The following MYL4 variants were observed in gnomAD, a reference collection of about 807,000 sequenced individuals.
The protein encoded by MYL4 is atrial myosin light chain 1.
A neutral mutation model predicts 21.6 loss-of-function variants in MYL4; 16 were observed. The ratio of observed to expected loss-of-function variants is 0.74; its 90% CI spans 0.50 to 1.12. The LOEUF (loss-of-function observed/expected upper bound fraction) is 1.12, where lower values mean the gene tolerates loss of function less well. Ranked by LOEUF, MYL4 falls within the 50% of genes most tolerant of loss-of-function variation. MYL4 has a pLI of 0.00. For missense variants in MYL4, 249 were observed against 252.9 expected (o/e 0.98, Z 0.11); for synonymous variants, 82 against 95.7 (o/e 0.86, Z 0.83).
At chr17:47,196,118 T>G (rs574218111), upstream of MYL4, among the ~76,000 whole-genome samples, 4 of 152,326 alleles carry the variant, frequency 2.6e-5, no homozygotes, top group East Asian at 7.7e-4. Context: ...TATTTGGACA[T>G]GGGGTCTCTA....
At position 47,220,058 on chromosome 17, in the gene MYL4, G is replaced by C; in HGVS notation, c.313+5G>C. 6.2e-7 allele frequency: 1 copy of C among 1,608,844 alleles called. No individual in the cohort carries two copies. Among genetic ancestry groups the C allele is most frequent in the Non-Finnish European group, 8.5e-7 (1 of 1,177,024 alleles). The stretch of plus-strand genomic sequence containing the variant: ...TGGGCAAGCCCAAGCCTGAAGGTCA[G>C]TGCGGCTGCATGGCAGACCTCTCCC... On this transcript the variant is annotated splice_donor_5th_base_variant and intron_variant, in intron 3 of 6. Coordinates refer to ENST00000393450, the MANE Select transcript of MYL4 (RefSeq NM_002476.2).
At chr17:47,189,556 A>C in the MYL4 span, 1 of 326,236 alleles carries the variant, frequency 3.1e-6, no homozygotes. Flanking sequence ...CCAAATCTGC[A>C]ACCAGCAGGC....
At position 47,209,471 on chromosome 17, in the gene MYL4, C is replaced by A. The variant is rs1264651169; in HGVS notation, c.49C>A (p.Pro17Thr). ...EPKKEAAKPA[P>T]APAPAPAPAP... is the part of the protein sequence containing the mutation. ...TAAGAAGGAGGCAGCCAAGCCAGCT[C>A]CAGCTCCAGCTCCAGCCCCTGCACC... The change falls in exon 1 of 7, where the codon CCA becomes ACA. Residue 17 changes from proline (P) to threonine (T), a missense_variant. Physicochemically the swap from Pro to Thr is conservative, Grantham distance 38. Coordinates refer to ENST00000393450, the MANE Select transcript of MYL4 (RefSeq NM_002476.2). 2 of 1,614,204 alleles carry A rather than the reference C, an allele frequency of 1.2e-6. No homozygotes were observed. Among genetic ancestry groups the A allele is most frequent in the Non-Finnish European group, 8.5e-7 (1 of 1,180,028 alleles).
upstream of MYL4, chr17:47,209,294 C>G: frequency 7.8e-7 from 1 of 1,277,262 alleles, no homozygotes; most frequent in South Asian, 1.3e-5. Flanking sequence ...CACCCAGCCC[C>G]TCTGTGGGGG....
At chr17:47,222,603 T>C in intron 5 of MYL4, 146 bp downstream of exon 5, 1 of 690,304 alleles carries the variant, frequency 1.4e-6, no homozygotes, top group Admixed American at 2.4e-5. Flanking sequence ...TTCCATCTTG[T>C]GAGTGAACCT....
chr17:47,213,885 G>A (rs2064794517), intron 2 of MYL4, 59 bp downstream of exon 2: 1 of 1,572,238 alleles, frequency 6.4e-7, no homozygotes, highest in Non-Finnish European at 8.8e-7. Context: ...GGAGGAGGAG[G>A]AGGAGGAAGA....
chr17:47,191,971 G>A, the MYL4 span, among the ~76,000 whole-genome samples: 2 of 152,230 alleles, frequency 1.3e-5, no homozygotes, highest in Non-Finnish European at 2.9e-5. Flanking sequence ...TGGATCTAGA[G>A]TCAGCATTTA....
chr17:47,204,678 A>G (rs549329953), upstream of MYL4, among the ~76,000 whole-genome samples: 5 of 151,828 alleles, frequency 3.3e-5, no homozygotes, highest in African/African-American at 9.7e-5. Flanking sequence ...GCTGCAATGA[A>G]CTATGTTTCA....
Position 47,209,390 on chromosome 17 carries a change from T to C in MYL4, c.-33T>C, listed in dbSNP as rs1174666829. 4.3e-6 allele frequency: 7 copies of C among 1,614,070 alleles called. No individual in the cohort carries two copies. The highest frequency in any genetic ancestry group is 5.1e-6 in the Non-Finnish European group (6 of 1,180,020). On this transcript the variant is annotated 5_prime_UTR_variant, in exon 1 of 7. Coordinates refer to ENST00000393450, the MANE Select transcript of MYL4 (RefSeq NM_002476.2). ...CCACGTCTCTCGGTTTCTTCTTAGA[T>C]CACTCCTCTGCCAAAGATCCCAACA...
At chr17:47,191,287 C>T in the MYL4 span, among the ~76,000 whole-genome samples, 32 of 152,072 alleles carry the variant, frequency 2.1e-4, no homozygotes, top group African/African-American at 6.8e-4. Context: ...CAATCTACCA[C>T]GCTAGATATG....
At chr17:47,211,595 C>A (rs2064776069) in intron 1 of MYL4, among the ~76,000 whole-genome samples, 1 of 152,158 alleles carries the variant, frequency 6.6e-6, no homozygotes, top group South Asian at 2.1e-4. Context: ...TTCACCCCAT[C>A]TAGGGGGTTC....
chr17:47,209,827 G>A (rs900577712), intron 1 of MYL4: 10 of 558,030 alleles, frequency 1.8e-5, no homozygotes, highest in African/African-American at 1.7e-4. Context: ...TTGGGAATGG[G>A]GGGAGGTACA....
intron 3 of MYL4, 61 bp downstream of exon 3, chr17:47,220,114 C>T (rs1275065373): frequency 1.3e-6 from 2 of 1,513,284 alleles, no homozygotes; most frequent in African/African-American, 2.7e-5. Context: ...TTGGCTTCCT[C>T]CTTGTCCAGA....
At chr17:47,212,281 C>G (rs184018647) in intron 1 of MYL4, among the ~76,000 whole-genome samples, 6 of 152,324 alleles carry the variant, frequency 3.9e-5, no homozygotes, top group Admixed American at 3.9e-4. Context: ...ATTCACTCTC[C>G]TCTTCTGTAC....
upstream of MYL4, among the ~76,000 whole-genome samples, chr17:47,208,257 A>G (rs2149040087): frequency 6.6e-6 from 1 of 152,140 alleles, no homozygotes; most frequent in African/African-American, 2.4e-5. Flanking sequence ...TCTACTGAAA[A>G]ACAAAAAACA....
chr17:47,221,890 G>T (rs1331544311), intron 4 of MYL4, 35 bp downstream of exon 4: 1 of 1,596,884 alleles, frequency 6.3e-7, no homozygotes, highest in East Asian at 2.2e-5. Context: ...GACCAAGTGG[G>T]AGGAATGGAG....
chr17:47,219,613 AT>A (rs1339047235), intron 2 of MYL4, among the ~76,000 whole-genome samples: 2 of 151,958 alleles, frequency 1.3e-5, no homozygotes, highest in African/African-American at 2.4e-5. Flanking sequence ...AGCTCAAGCG[AT>A]TCTCGGGCCG....
At chr17:47,222,302 A>T in intron 4 of MYL4, 78 bp from the exon 5 acceptor site, 3 of 1,365,772 alleles carry the variant, frequency 2.2e-6, no homozygotes, top group Non-Finnish European at 3.1e-6. Flanking sequence ...CTTCACACTT[A>T]AGGGGGTACT....
Position 47,201,707 on chromosome 17 carries a change from C to T in MYL4, c.-35+1121C>T, listed in dbSNP as rs1335018328. Among the ~76,000 whole-genome samples, 6 of 152,146 alleles carry T rather than the reference C, an allele frequency of 3.9e-5. No homozygotes were observed. In the East Asian group the frequency reaches 5.8e-4, roughly 15 times the overall value. ...CTGACCTCAGGTGATCCGCCCGCCT[C>T]GGCCTCCCAAAGTGCCAGGATTATA... On this transcript the variant is annotated intron_variant and NMD_transcript_variant, in intron 1 of 6. Transcript: ENST00000571981.
Sources: allele counts gnomAD v4.1 joint callset (sites outside exome capture counted in the v4.1 genomes callset), GRCh38; gene constraint gnomAD v4.1.1; transcripts MANE v1.5; gene names NCBI Gene and HGNC (gene_info 2026-07-23, HGNC 2026-07-21).